The following RUFY3 variants were observed in gnomAD, a reference collection of about 807,000 sequenced individuals.
The protein encoded by RUFY3 is RUN and FYVE domain containing 3.
RUFY3 carries 34 observed loss-of-function variants against 84.0 expected under a neutral mutation model. That is an observed-to-expected ratio of 0.40 (90% CI 0.31 to 0.54). The LOEUF (loss-of-function observed/expected upper bound fraction) is 0.54. RUFY3 is among the 20% of genes least tolerant of loss of function. The pLI is 0.39. For missense variants in RUFY3, 507 were observed against 736.8 expected (o/e 0.69, Z 3.61); for synonymous variants, 242 against 252.9 (o/e 0.96, Z 0.41).
chr4:70,755,601 C>G (rs1723866529), intron 1 of RUFY3, among the ~76,000 whole-genome samples: 1 of 151,936 alleles, frequency 6.6e-6, no homozygotes, highest in African/African-American at 2.4e-5. Context: ...ATTAAAATAC[C>G]CTTATATGGA....
At chr4:70,770,529 T>G (rs550291645) in intron 5 of RUFY3, among the ~76,000 whole-genome samples, 1 of 152,344 alleles carries the variant, frequency 6.6e-6, no homozygotes, top group African/African-American at 2.4e-5. Context: ...AACTTCAGGC[T>G]TTTCCTCTGC....
chr4:70,718,532 A>G (rs1741896231), upstream of RUFY3, among the ~76,000 whole-genome samples: 1 of 152,194 alleles, frequency 6.6e-6, no homozygotes, highest in African/African-American at 2.4e-5. Flanking sequence ...TCTTACAAAT[A>G]GGTGCCATTA....
At chr4:70,767,403 C>A (rs1480240610) in intron 4 of RUFY3, among the ~76,000 whole-genome samples, 2 of 150,828 alleles carry the variant, frequency 1.3e-5, no homozygotes, top group African/African-American at 2.4e-5. Flanking sequence ...AGCCACTGCG[C>A]CTGGCGATAG....
intron 8 of RUFY3, among the ~76,000 whole-genome samples, chr4:70,782,187 A>C (rs1729034060): frequency 6.6e-6 from 1 of 152,106 alleles, no homozygotes. Flanking sequence ...ATTAATAAAT[A>C]ATTTTTTTCT....
intron 1 of RUFY3, among the ~76,000 whole-genome samples, chr4:70,759,230 C>A (rs1724581175): frequency 6.6e-6 from 1 of 152,142 alleles, no homozygotes; most frequent in South Asian, 2.1e-4. Flanking sequence ...TTTTTAGCTT[C>A]CACATATGAG....
At chr4:70,784,205 T>C (rs1729394044) in intron 9 of RUFY3, among the ~76,000 whole-genome samples, 1 of 152,360 alleles carries the variant, frequency 6.6e-6, no homozygotes, top group African/African-American at 2.4e-5. Flanking sequence ...GCCCCTGGGC[T>C]GGGTGCAGTG....
chr4:70,708,337 T>A (rs1165149914), intron 1 of RUFY3, among the ~76,000 whole-genome samples: 2 of 144,638 alleles, frequency 1.4e-5, no homozygotes, highest in Non-Finnish European at 3.0e-5. Context: ...ACCCCAGCTA[T>A]TTTTTTTTTT....
At position 70,804,198 on chromosome 4, in the gene RUFY3, A is replaced by T. The variant is rs111637105; in HGVS notation, c.1651-150A>T. 1,184 of 594,394 alleles carry T rather than the reference A, an allele frequency of 2.0e-3. 15 individuals carry two copies. The African/African-American group carries it at 0.02, about 10-fold the overall frequency. The allele number at this position is 594,394 out of a possible 1,614,324, so 36.8% of individuals were successfully genotyped here. On this transcript the variant is annotated intron_variant, in intron 16 of 17. Transcript: ENST00000381006. ...ATGATAGGATTATCCGAGTTGTATT[A>T]TGGTGGTAGGACTACCTATTTATAA...
intron 4 of RUFY3, among the ~76,000 whole-genome samples, chr4:70,766,444 C>T (rs180873206): frequency 3.3e-5 from 5 of 152,130 alleles, no homozygotes; most frequent in African/African-American, 1.2e-4. Context: ...AGGGTTTCAC[C>T]ACGTTGGCCA....
chr4:70,761,770 G>T (rs1168460338), intron 1 of RUFY3, among the ~76,000 whole-genome samples: 1 of 152,170 alleles, frequency 6.6e-6, no homozygotes, highest in African/African-American at 2.4e-5. Flanking sequence ...TTAAGTTCTA[G>T]TACTGCATTA....
At chr4:70,781,336 C>T (rs966809338) in intron 8 of RUFY3, among the ~76,000 whole-genome samples, 11 of 151,960 alleles carry the variant, frequency 7.2e-5, no homozygotes, top group African/African-American at 2.2e-4. Context: ...AAAAATTAGC[C>T]GGCTGTTGTG....
intron 9 of RUFY3, among the ~76,000 whole-genome samples, chr4:70,783,433 G>A (rs1054702213): frequency 1.3e-5 from 2 of 152,154 alleles, no homozygotes; most frequent in Non-Finnish European, 2.9e-5. Flanking sequence ...TCAGTTTCTT[G>A]TTTTTATGTA....
intron 8 of RUFY3, among the ~76,000 whole-genome samples, chr4:70,778,739 C>T (rs935378499): frequency 2.6e-5 from 4 of 151,974 alleles, no homozygotes; most frequent in South Asian, 2.1e-4. Context: ...ACCACCACCC[C>T]GGCTAATTTT....
At chr4:70,782,900 A>C (rs1729183995) in intron 8 of RUFY3, among the ~76,000 whole-genome samples, 191 bp from the exon 9 acceptor site, 1 of 152,134 alleles carries the variant, frequency 6.6e-6, no homozygotes, top group Non-Finnish European at 1.5e-5. Flanking sequence ...CAATAGAGTG[A>C]GGCCCTGTCT....
At chr4:70,752,164 ATATTTTTCTGGTGC>A (rs1723248237) in intron 1 of RUFY3, among the ~76,000 whole-genome samples, 1 of 152,152 alleles carries the variant, frequency 6.6e-6, no homozygotes, top group Admixed American at 6.6e-5. Flanking sequence ...TTATTGGTAA[ATATTTTTCTGGTGC>A]TATTGTAAAT....
intron 10 of RUFY3, 78 bp downstream of exon 10, chr4:70,784,957 C>A: frequency 1.0e-6 from 1 of 966,054 alleles, no homozygotes; most frequent in Non-Finnish European, 1.5e-6. Context: ...ATCATACAGA[C>A]CAAGATTAGG....
In RUFY3 at chr4:70,792,685, T is replaced by C. The variant is rs1479349438; in HGVS notation, c.1338-1100T>C. The C allele has an allele frequency of 4.1e-6, 4 of 984,916 alleles. No homozygotes were observed. The African/African-American group carries it at 7.0e-5, about 17-fold the overall frequency. 61.0% of individuals were successfully genotyped at this position (984,916 alleles called of 1,614,324 possible). On this transcript the variant is annotated intron_variant, in intron 12 of 17. Transcript: ENST00000381006. ...ACCCCTTCGCTTCCAGCTCTTAAAA[T>C]TCTTTATCTTTTTCTTGGCAAAACC... is the stretch of plus-strand genomic sequence containing the variant.
At chr4:70,793,741 A>G (rs1384827256) in intron 12 of RUFY3, 44 bp from the exon 13 acceptor site, 1 of 1,612,960 alleles carries the variant, frequency 6.2e-7, no homozygotes. Flanking sequence ...CTTCCCCACC[A>G]TGGCTTTTGT....
chr4:70,704,781 C>T, upstream of RUFY3: 2 of 453,600 alleles, frequency 4.4e-6, no homozygotes, highest in Non-Finnish European at 6.9e-6. Flanking sequence ...GGCCGAGCGG[C>T]GGAGCCCAGG....
Sources: allele counts gnomAD v4.1 joint callset (sites outside exome capture counted in the v4.1 genomes callset), GRCh38; gene constraint gnomAD v4.1.1; transcripts MANE v1.5; gene names NCBI Gene and HGNC (gene_info 2026-07-23, HGNC 2026-07-21).